Variants in FGF23 observed in about 807,000 individuals in gnomAD.
FGF23 encodes the protein fibroblast growth factor 23.
A neutral mutation model predicts 9.0 loss-of-function variants in FGF23; 8 were observed. The observed-to-expected ratio is 0.89, with a 90% confidence interval of 0.52 to 1.60. The LOEUF (loss-of-function observed/expected upper bound fraction) is 1.60. Among genes scored for constraint, FGF23 ranks in the 40% most tolerant of loss-of-function variants. The pLI is 0.00. For missense variants in FGF23, 311 were observed against 344.3 expected, an observed-to-expected ratio of 0.90 and a Z score of 0.77; for synonymous variants, 118 against 146.2, an observed-to-expected ratio of 0.81 and a Z score of 1.39.
In FGF23 at chr12:4,370,530, A is replaced by T. The variant is rs1231468260; in HGVS notation, c.569T>A (p.Leu190Gln). 1 of 1,612,628 alleles carries T rather than the reference A, an allele frequency of 6.2e-7. No individual in the cohort carries two copies. The highest frequency in any genetic ancestry group is 1.3e-5 in the African/African-American group (1 of 74,792). ...SAEDDSERDPLNVLKPRARMT... is the reference protein window; with the variant it reads ...SAEDDSERDPQNVLKPRARMT... ...CCGGGCCCGGGGCTTCAGCACGTTC[A>T]GGGGGTCCCGCTCCGAGTCGTCCTC... Residue 190 changes from leucine (L) to glutamine (Q), a missense_variant, in exon 3 of 3, where the codon CTG becomes CAG. Physicochemically the swap from Leu to Gln is moderately radical, Grantham distance 113 (BLOSUM62 -2). Coordinates refer to ENST00000237837, the MANE Select transcript of FGF23 (RefSeq NM_020638.3).
At chr12:4,373,295 CT>C (rs1865083014) in intron 1 of FGF23, among the ~76,000 whole-genome samples, 1 of 152,244 alleles carries the variant, frequency 6.6e-6, no homozygotes, top group African/African-American at 2.4e-5. Context: ...TCTATGAAGA[CT>C]TTCCTCATCT....
Position 4,379,541 on chromosome 12 carries a change from G to T in FGF23, c.42C>A (p.Cys14Ter). The change falls in exon 1 of 3, where the codon TGC becomes TGA. Residue 14 changes from cysteine to a stop codon, truncating the protein, a stop_gained. Coordinates refer to ENST00000237837, the MANE Select transcript of FGF23 (RefSeq NM_020638.3). LOFTEE classifies it high-confidence loss of function. Reference protein sequence around the residue: ...ARLRLWVCALCSVCSMSVLRA... With the variant: ...ARLRLWVCAL ...TGAGGACGCTCATGCTGCAGACGCT[G>T]CACAAGGCACAGACCCAGAGCCTGA... 1 of 1,611,480 alleles carries T rather than the reference G, an allele frequency of 6.2e-7. No homozygotes were observed.
At chr12:4,371,633 A>G (rs904490094) in intron 2 of FGF23, among the ~76,000 whole-genome samples, 1 of 152,242 alleles carries the variant, frequency 6.6e-6, no homozygotes, top group Non-Finnish European at 1.5e-5. Flanking sequence ...TTTGCTTACC[A>G]ATCCGAATGA....
rs886049399 is a variant in FGF23, at chr12:4,369,487, G to C, written c.*856C>G. On this transcript the variant is annotated 3_prime_UTR_variant, in exon 3 of 3. Transcript: ENST00000237837. ...GCAAATTCTAGCAGGGCAGATTTTC[G>C]TGAGCCAGTGTAAAAGCTATTTATT... 7 of 228,634 alleles carry C rather than the reference G, an allele frequency of 3.1e-5. No individual in the cohort carries two copies. Among genetic ancestry groups the C allele is most frequent in the Non-Finnish European group, 5.2e-5 (6 of 115,182 alleles). 14.2% of individuals were successfully genotyped at this position (228,634 alleles called of 1,614,324 possible).
In FGF23 at chr12:4,379,555, C is replaced by T. The variant is rs1314108880; in HGVS notation, c.28G>A (p.Val10Ile). 1 of 1,610,204 alleles carries T rather than the reference C, an allele frequency of 6.2e-7. No homozygotes were observed. Among genetic ancestry groups the T allele is most frequent in the Non-Finnish European group, 8.5e-7 (1 of 1,179,482 alleles). The change falls in exon 1 of 3, where the codon GTC becomes ATC. Residue 10 changes from valine to isoleucine, a missense_variant. Val to Ile is a conservative substitution (Grantham distance 29). Coordinates refer to ENST00000237837, the MANE Select transcript of FGF23 (RefSeq NM_020638.3). MLGARLRLW[V>I]CALCSVCSMS... Reference sequence around the variant, plus strand: ...CTGCAGACGCTGCACAAGGCACAGACCCAGAGCCTGAGGCGGGCCCCCAAC... The same window carrying T: ...CTGCAGACGCTGCACAAGGCACAGATCCAGAGCCTGAGGCGGGCCCCCAAC...
At chr12:4,378,309 A>G (rs1865141196) in intron 1 of FGF23, among the ~76,000 whole-genome samples, 1 of 152,078 alleles carries the variant, frequency 6.6e-6, no homozygotes, top group Non-Finnish European at 1.5e-5. Context: ...CATAATTCCT[A>G]TGTTTTCTTT....
rs1340950658 is a variant in FGF23 at position 4,372,651 on chromosome 12, T to G, written c.258A>C (p.Thr86=). Residue 86 remains threonine (T), a synonymous_variant, in exon 2 of 3, where the codon ACA becomes ACC. Coordinates refer to ENST00000237837, the MANE Select transcript of FGF23 (RefSeq NM_020638.3). ...RSEDAGFVVI[T]GVMSRRYLCM... The stretch of plus-strand genomic sequence containing the variant: ...AGAGGTATCTTCTGCTCATCACACC[T>G]GTAATCACCACAAAGCCAGCATCCT... 2 of 1,613,810 alleles carry G rather than the reference T, an allele frequency of 1.2e-6. No homozygotes were observed. Among genetic ancestry groups the G allele is most frequent in the Non-Finnish European group, 1.7e-6 (2 of 1,179,724 alleles).
intron 2 of FGF23, among the ~76,000 whole-genome samples, chr12:4,371,699 G>A (rs1158866367): frequency 6.6e-6 from 1 of 152,206 alleles, no homozygotes; most frequent in African/African-American, 2.4e-5. Context: ...ACTGGAGGGA[G>A]CTCCACAGGT....
At chr12:4,371,045 G>T (rs1865059617) in intron 2 of FGF23, among the ~76,000 whole-genome samples, 1 of 152,234 alleles carries the variant, frequency 6.6e-6, no homozygotes, top group Non-Finnish European at 1.5e-5. Flanking sequence ...GGCCTGGCCT[G>T]TGGTTTTCCT....
At chr12:4,375,357 TC>T (rs1342783757) in intron 1 of FGF23, among the ~76,000 whole-genome samples, 2 of 152,092 alleles carry the variant, frequency 1.3e-5, no homozygotes, top group East Asian at 3.9e-4. Flanking sequence ...CTAGAAAACA[TC>T]CGGCGGTGGT....
At position 4,379,706 on chromosome 12, in the gene FGF23, A is replaced by G; in HGVS notation, c.-124T>C. On this transcript the variant is annotated 5_prime_UTR_variant, in exon 1 of 3. Coordinates refer to ENST00000237837, the MANE Select transcript of FGF23 (RefSeq NM_020638.3). ...CAAGTAGCTGGTGTGAGGATCCTAG[A>G]CTGGATTCCCTCCTTTTTGCCGTCA... 1.2e-6 allele frequency: 1 copy of G among 811,532 alleles called. No individual in the cohort carries two copies. The highest frequency in any genetic ancestry group is 2.0e-6 in the Non-Finnish European group (1 of 489,174). The allele number at this position is 811,532 out of a possible 1,614,324, so 50.3% of individuals were successfully genotyped here. A position where few individuals can be genotyped will look rare whatever the true frequency, so the allele number is the denominator to read the frequency against.
At chr12:4,379,045 T>G (rs1865148622) in intron 1 of FGF23, among the ~76,000 whole-genome samples, 1 of 152,190 alleles carries the variant, frequency 6.6e-6, no homozygotes, top group African/African-American at 2.4e-5. Context: ...TGCCTTTCTT[T>G]CTGTACATTT....
chr12:4,372,660 C>T lies in FGF23; in HGVS notation c.249G>A (p.Val83=), dbSNP rs753676774. The part of the protein sequence containing the change: ...LMIRSEDAGF[V]VITGVMSRRY... The stretch of plus-strand genomic sequence containing the variant: ...TTCTGCTCATCACACCTGTAATCAC[C>T]ACAAAGCCAGCATCCTCTGATCTGA... The change falls in exon 2 of 3, where the codon GTG becomes GTA. Residue 83 remains valine (V), a synonymous_variant. Transcript: ENST00000237837. 1.4e-4 allele frequency: 218 copies of T among 1,613,770 alleles called. 3 individuals carry two copies. In the East Asian group the frequency reaches 4.7e-3, roughly 35 times the overall value.
intron 1 of FGF23, among the ~76,000 whole-genome samples, chr12:4,376,765 C>T (rs906402878): frequency 1.3e-5 from 2 of 152,180 alleles, no homozygotes; most frequent in East Asian, 3.8e-4. Flanking sequence ...GTGATCCTCC[C>T]ACCTCGGCCT....
rs1367154268 is a variant in FGF23 at position 4,369,228 on chromosome 12, A to T, written c.*1115T>A. ...ATGTGGTTGTCTTTTCATAACTTCTATAACATGTCCCCTGATTTCTTTCCC... is the reference window on the plus strand; with the variant it reads ...ATGTGGTTGTCTTTTCATAACTTCTTTAACATGTCCCCTGATTTCTTTCCC... On this transcript the variant is annotated 3_prime_UTR_variant, in exon 3 of 3. Transcript: ENST00000237837. The T allele has an allele frequency of 4.3e-6, 1 of 231,454 alleles. No homozygotes were observed. The highest frequency in any genetic ancestry group is 2.2e-5 in the African/African-American group (1 of 45,232). 14.3% of individuals were successfully genotyped at this position (231,454 alleles called of 1,614,324 possible).
Position 4,370,325 on chromosome 12 carries a change from GGT to G in FGF23, c.*16_*17del. ...GTTTGCTGAGGGATGGGTTAAAGAG[GGT>G]GCCCTTCCAGCGACCCTAGATGAAC... On this transcript the variant is annotated 3_prime_UTR_variant, in exon 3 of 3. Transcript: ENST00000237837. 2 of 1,610,106 alleles carry G rather than the reference GGT, an allele frequency of 1.2e-6. No homozygotes were observed. The highest frequency in any genetic ancestry group is 1.7e-6 in the Non-Finnish European group (2 of 1,178,228).
At chr12:4,379,061 A>G (rs1163097647) in intron 1 of FGF23, among the ~76,000 whole-genome samples, 1 of 152,082 alleles carries the variant, frequency 6.6e-6, no homozygotes, top group Non-Finnish European at 1.5e-5. Flanking sequence ...CATTTTTTCA[A>G]TCTTTTGACG....
chr12:4,379,305 TC>T, intron 1 of FGF23, 66 bp downstream of exon 1: 1 of 1,443,826 alleles, frequency 6.9e-7, no homozygotes, highest in Non-Finnish European at 9.7e-7. Flanking sequence ...GTCCCCAACC[TC>T]CCCAAGCCTC....
At position 4,368,939 on chromosome 12, in the gene FGF23, GAA is replaced by G. The variant is rs369192313; in HGVS notation, c.*1402_*1403del. The G allele has an allele frequency of 7.7e-4, 164 of 212,310 alleles. No homozygotes were observed. The highest frequency in any genetic ancestry group is 1.2e-3 in the Non-Finnish European group (130 of 105,922). The allele number at this position is 212,310 out of a possible 1,614,324, so 13.2% of individuals were successfully genotyped here. On this transcript the variant is annotated 3_prime_UTR_variant, in exon 3 of 3. Transcript: ENST00000237837. ...TAAGGTTAGTATGTGATGGCAGTGAGAAAAAAAAAAGTGACTGGGAAGAAGCT... is the reference window on the plus strand; with the variant it reads ...TAAGGTTAGTATGTGATGGCAGTGAGAAAAAAAAGTGACTGGGAAGAAGCT...
Sources: allele counts gnomAD v4.1 joint callset (sites outside exome capture counted in the v4.1 genomes callset), GRCh38; gene constraint gnomAD v4.1.1; transcripts MANE v1.5; gene names NCBI Gene and HGNC (gene_info 2026-07-23, HGNC 2026-07-21).